Variants in FBXL20 observed in about 807,000 individuals in gnomAD.
The protein encoded by FBXL20 is F-box and leucine rich repeat protein 20.
FBXL20 carries 11 observed loss-of-function variants against 64.0 expected under a neutral mutation model. The ratio of observed to expected loss-of-function variants is 0.17; its 90% CI spans 0.11 to 0.28. FBXL20 has a LOEUF of 0.28. Among genes scored for constraint, FBXL20 ranks in the 10% least tolerant of loss-of-function variants. FBXL20 has a pLI of 1.00. For synonymous variants in FBXL20, 184 were observed against 189.0 expected, an observed-to-expected ratio of 0.97 and a Z score of 0.22; for missense variants, 303 against 526.2, an observed-to-expected ratio of 0.58 and a Z score of 4.15.
intron 6 of FBXL20, among the ~76,000 whole-genome samples, chr17:39,296,789 A>C (rs73983275): frequency 6.6e-6 from 1 of 152,052 alleles, no homozygotes; most frequent in Non-Finnish European, 1.5e-5. Context: ...TTAAGATTTT[A>C]ATCTTTTCAC....
In FBXL20 at chr17:39,362,292, CA is replaced by C. The variant is rs201481568; in HGVS notation, c.43-19052del. ...TGGGCAACAGAGCGAGACTCCGTCT[CA>C]AAAAAAAAAGAAAAATGCTTTCTTG... is the stretch of plus-strand genomic sequence containing the variant. On this transcript the variant is annotated intron_variant, in intron 1 of 14. Coordinates refer to ENST00000264658, the MANE Select transcript of FBXL20 (RefSeq NM_032875.3). Among the ~76,000 whole-genome samples the C allele has an allele frequency of 6.6e-3, 953 of 144,340 alleles. 16 individuals are homozygous for C. The highest frequency in any genetic ancestry group is 0.023 in the African/African-American group (906 of 39,486). 94.7% of individuals were successfully genotyped at this position (144,340 alleles called of 152,430 possible). A position where few individuals can be genotyped will look rare whatever the true frequency, so the allele number is the denominator to read the frequency against.
chr17:39,372,516 C>CA (rs747264126), intron 1 of FBXL20, among the ~76,000 whole-genome samples: 903 of 41,098 alleles, frequency 0.022, 83 homozygotes, highest in Non-Finnish European at 0.029. Context: ...AGACTCTGAC[C>CA]AAAAAAAAAA....
rs2046670086 is a variant in FBXL20 at position 39,253,677 on chromosome 17, A to C, written c.*7783T>G. 6.6e-6 allele frequency: 1 copy of C among 152,296 alleles called. No individual in the cohort carries two copies. Among genetic ancestry groups the C allele is most frequent in the Non-Finnish European group, 1.5e-5 (1 of 68,038 alleles). 9.4% of individuals were successfully genotyped at this position (152,296 alleles called of 1,614,324 possible). On this transcript the variant is annotated 3_prime_UTR_variant, in exon 15 of 15. Transcript: ENST00000264658. ...GGGAGTGAGAAGAAATCAAAAGCTC[A>C]TCCCTTCCTGCACTATTAGAAATTA...
chr17:39,266,065 C>CTT (rs34822405), intron 12 of FBXL20, among the ~76,000 whole-genome samples: 17 of 62,728 alleles, frequency 2.7e-4, no homozygotes, highest in African/African-American at 6.1e-4. Flanking sequence ...CTCATTCATT[C>CTT]TTTTTTTTTT....
intron 2 of FBXL20, among the ~76,000 whole-genome samples, chr17:39,321,036 T>G (rs1406358382): frequency 6.6e-6 from 1 of 152,226 alleles, no homozygotes; most frequent in Non-Finnish European, 1.5e-5. Context: ...GAAACTAGTA[T>G]GTATTTGTTA....
Position 39,270,861 on chromosome 17 carries a change from TAAA to T in FBXL20, c.828-8_828-6del, listed in dbSNP as rs11307198. ...CATCTTGCCACTTCCAATATTCTGT[TAAA>T]AAAAAAAAAAAAACAGTGAAAGTCA... On this transcript the variant is annotated splice_polypyrimidine_tract_variant and splice_region_variant and intron_variant, in intron 10 of 14. Transcript: ENST00000264658. 1,956 of 1,342,364 alleles carry T rather than the reference TAAA, an allele frequency of 1.5e-3. No homozygotes were observed. Among genetic ancestry groups the T allele is most frequent in the South Asian group, 2.9e-3 (200 of 70,102 alleles). 83.2% of individuals were successfully genotyped at this position (1,342,364 alleles called of 1,614,324 possible).
chr17:39,271,004 T>C, intron 10 of FBXL20, 148 bp from the exon 11 acceptor site: 1 of 648,554 alleles, frequency 1.5e-6, no homozygotes, highest in South Asian at 2.1e-5. Context: ...AGCAAGTCTG[T>C]ATACAGATCT....
chr17:39,401,554 C>A lies in FBXL20; in HGVS notation c.-152G>T, dbSNP rs952807662. 8 of 1,418,450 alleles carry A rather than the reference C, an allele frequency of 5.6e-6. No individual in the cohort carries two copies. The highest frequency in any genetic ancestry group is 3.1e-5 in the Admixed American group (1 of 32,772). The allele number at this position is 1,418,450 out of a possible 1,614,324, so 87.9% of individuals were successfully genotyped here. A position where few individuals can be genotyped will look rare whatever the true frequency, so the allele number is the denominator to read the frequency against. On this transcript the variant is annotated 5_prime_UTR_variant, in exon 1 of 15. Transcript: ENST00000264658. The stretch of plus-strand genomic sequence containing the variant: ...GACGGGAACAAGAGACCTCTCGGCT[C>A]CGGCTAGGCCTCCACCACCTCCCGC...
intron 11 of FBXL20, among the ~76,000 whole-genome samples, chr17:39,269,264 G>A (rs2046819151): frequency 6.6e-6 from 1 of 151,968 alleles, no homozygotes; most frequent in Admixed American, 6.6e-5. Flanking sequence ...CATGATCTCG[G>A]CTCACGGCAA....
intron 1 of FBXL20, among the ~76,000 whole-genome samples, chr17:39,352,546 T>C (rs1221674297): frequency 6.6e-6 from 1 of 151,678 alleles, no homozygotes; most frequent in Non-Finnish European, 1.5e-5. Flanking sequence ...CCGGGTGTGG[T>C]AGCGTGCACC....
chr17:39,360,470 G>A (rs567235007), intron 1 of FBXL20, among the ~76,000 whole-genome samples: 12 of 152,104 alleles, frequency 7.9e-5, no homozygotes, highest in Non-Finnish European at 1.6e-4. Flanking sequence ...TATTTGATGT[G>A]GTTCTGTGAC....
chr17:39,339,830 TAG>T, intron 2 of FBXL20, among the ~76,000 whole-genome samples: 1 of 151,712 alleles, frequency 6.6e-6, no homozygotes, highest in East Asian at 2.0e-4. Context: ...TGTATTTTAG[TAG>T]AGACAGGGTT....
intron 1 of FBXL20, among the ~76,000 whole-genome samples, chr17:39,398,268 A>G (rs991752009): frequency 6.6e-6 from 1 of 152,158 alleles, no homozygotes; most frequent in African/African-American, 2.4e-5. Flanking sequence ...GACAAGGGCA[A>G]GATTTCATCT....
chr17:39,322,548 C>T (rs7219814), intron 2 of FBXL20, among the ~76,000 whole-genome samples: 15,028 of 151,980 alleles, frequency 0.099, 779 homozygotes, highest in African/African-American at 0.13. Context: ...TTAAGTGGAT[C>T]GTTATATTGA....
At chr17:39,360,543 A>G (rs1344135804) in intron 1 of FBXL20, among the ~76,000 whole-genome samples, 1 of 152,118 alleles carries the variant, frequency 6.6e-6, no homozygotes, top group Admixed American at 6.6e-5. Context: ...TTTTCTCTAC[A>G]TGGTTTGGGT....
intron 1 of FBXL20, among the ~76,000 whole-genome samples, chr17:39,373,190 C>G (rs2047935076): frequency 2.0e-5 from 3 of 152,094 alleles, no homozygotes; most frequent in Admixed American, 6.6e-5. Context: ...TCCTGGTTTA[C>G]ACAAGGAAAA....
rs1223264921 is a variant in FBXL20 at position 39,259,480 on chromosome 17, T to C, written c.*1980A>G. 6.6e-6 allele frequency: 1 copy of C among 152,186 alleles called. No homozygotes were observed. The highest frequency in any genetic ancestry group is 1.5e-5 in the Non-Finnish European group (1 of 68,036). The allele number at this position is 152,186 out of a possible 1,614,324, so 9.4% of individuals were successfully genotyped here. A position where few individuals can be genotyped will look rare whatever the true frequency, so the allele number is the denominator to read the frequency against. ...TTGGGGTTTAGAAATTTTCTTCTTA[T>C]GCTTTAAAAACTCATTTTACTTCCT... On this transcript the variant is annotated 3_prime_UTR_variant, in exon 15 of 15. Coordinates refer to ENST00000264658, the MANE Select transcript of FBXL20 (RefSeq NM_032875.3).
intron 1 of FBXL20, among the ~76,000 whole-genome samples, chr17:39,383,590 CTTT>C (rs545087479): frequency 5.4e-5 from 7 of 128,526 alleles, no homozygotes; most frequent in Non-Finnish European, 3.2e-5. Flanking sequence ...ACTTTATATG[CTTT>C]TTTTTTTTTT....
chr17:39,333,831 G>A (rs185893434), intron 2 of FBXL20, among the ~76,000 whole-genome samples: 4,787 of 151,800 alleles, frequency 0.032, 101 homozygotes, highest in African/African-American at 0.068. Flanking sequence ...TCTCTGCCCC[G>A]CCGCCACCCC....
Sources: allele counts gnomAD v4.1 joint callset (sites outside exome capture counted in the v4.1 genomes callset), GRCh38; gene constraint gnomAD v4.1.1; transcripts MANE v1.5; gene names NCBI Gene and HGNC (gene_info 2026-07-23, HGNC 2026-07-21).